The following MLH3 variants were observed in gnomAD, a reference collection of about 807,000 sequenced individuals.
MLH3 encodes the protein mutL homolog 3.
Under a neutral mutation model 122.2 loss-of-function variants are expected in MLH3, and 82 were observed. The observed-to-expected ratio is 0.67, with a 90% CI of 0.56 to 0.81. The LOEUF (loss-of-function observed/expected upper bound fraction) is 0.81. Ranked by LOEUF, MLH3 falls within the 30% of genes least tolerant of loss-of-function variation. The pLI, the probability that MLH3 is intolerant of heterozygous loss-of-function variation, is 0.00. For synonymous variants in MLH3, 524 were observed against 599.5 expected, an observed-to-expected ratio of 0.87 and a Z score of 1.84; for missense variants, 1,539 against 1,714.5, an observed-to-expected ratio of 0.90 and a Z score of 1.81.
intron 9 of MLH3, among the ~76,000 whole-genome samples, chr14:75,027,675 A>AC (rs1555341321): frequency 0.01 from 1,433 of 137,538 alleles, 70 homozygotes; most frequent in African/African-American, 0.034. Context: ...AAAAAAAAAA[A>AC]AAAAAAAAAA....
At position 75,014,516 on chromosome 14, in the gene MLH3, G is replaced by C. The variant is rs1889798006; in HGVS notation, c.*2566C>G. 3 of 196,528 alleles carry C rather than the reference G, an allele frequency of 1.5e-5. No homozygotes were observed. The highest frequency in any genetic ancestry group is 6.9e-5 in the African/African-American group (3 of 43,314). 12.2% of individuals were successfully genotyped at this position (196,528 alleles called of 1,614,324 possible). On this transcript the variant is annotated 3_prime_UTR_variant, in exon 13 of 13. Transcript: ENST00000355774. ...AATAATAAAGGGCTAGCTGTAACTA[G>C]CTGTGACTCTGTGATACCTAACGCC...
intron 11 of MLH3, among the ~76,000 whole-genome samples, chr14:75,020,352 T>G (rs1033633917): frequency 6.6e-6 from 1 of 152,168 alleles, no homozygotes; most frequent in Non-Finnish European, 1.5e-5. Context: ...CTTGGAGGGA[T>G]GTTTCAAAAA....
rs572507627 is a variant in MLH3, at chr14:75,026,240, G to C, written c.3988-3222C>G. On this transcript the variant is annotated intron_variant, in intron 9 of 12. Transcript: ENST00000355774. ...TTTGCCTGTGCTCCAAATCAAGAAA[G>C]CTACTGATAAAGGAGAAGGAACAAT... Among the ~76,000 whole-genome samples, 28 of 152,184 alleles carry C rather than the reference G, an allele frequency of 1.8e-4. 1 individual carries two copies. The South Asian group carries it at 5.2e-3, about 28-fold the overall frequency.
At chr14:75,019,262 T>G in intron 11 of MLH3, 1 of 369,432 alleles carries the variant, frequency 2.7e-6, no homozygotes, top group Non-Finnish European at 5.1e-6. Context: ...ATACAAAAAT[T>G]AGCCGGGTGT....
intron 6 of MLH3, among the ~76,000 whole-genome samples, chr14:75,037,336 T>C (rs1017986904): frequency 4.6e-5 from 7 of 152,252 alleles, no homozygotes; most frequent in East Asian, 1.9e-4. Flanking sequence ...TTAGAGCATC[T>C]TGTATCTCTT....
At position 75,016,277 on chromosome 14, in the gene MLH3, GT is replaced by G. The variant is rs1439435699; in HGVS notation, c.*804del. 1 of 201,632 alleles carries G rather than the reference GT, an allele frequency of 5.0e-6. No individual in the cohort carries two copies. The highest frequency in any genetic ancestry group is 1.0e-5 in the Non-Finnish European group (1 of 98,242). The allele number at this position is 201,632 out of a possible 1,614,324, so 12.5% of individuals were successfully genotyped here. On this transcript the variant is annotated 3_prime_UTR_variant, in exon 13 of 13. Coordinates refer to ENST00000355774, the MANE Select transcript of MLH3 (RefSeq NM_001040108.2). ...GTTAGGTTGAACGTATGTATGCTGTGTTTTGATATGACAATTGCTTTCACAT... is the reference window on the plus strand; with the variant it reads ...GTTAGGTTGAACGTATGTATGCTGTGTTTGATATGACAATTGCTTTCACAT...
Position 75,017,112 on chromosome 14 carries a change from C to CT in MLH3, c.4331dup (p.Gln1445AlafsTer7). On this transcript the variant is annotated frameshift_variant, in exon 13 of 13. Transcript: ENST00000355774. LOFTEE classifies it high-confidence loss of function. The stretch of plus-strand genomic sequence containing the variant: ...GTGGCTCACAGGGAGGCATGGATTG[C>CT]TGCAGGCTCTGCCTTGTATCACACT... 6 of 1,613,594 alleles carry CT rather than the reference C, an allele frequency of 3.7e-6. No individual in the cohort carries two copies. In the Middle Eastern group the frequency reaches 6.6e-4, roughly 177 times the overall value.
At chr14:75,028,441 G>C (rs1349159546) in intron 9 of MLH3, among the ~76,000 whole-genome samples, 1 of 144,266 alleles carries the variant, frequency 6.9e-6, no homozygotes, top group Non-Finnish European at 1.5e-5. Flanking sequence ...TTTTTGAGAC[G>C]GAGTCTTACT....
intron 5 of MLH3, among the ~76,000 whole-genome samples, chr14:75,038,691 C>T (rs1166850967): frequency 6.6e-6 from 1 of 151,970 alleles, no homozygotes; most frequent in Non-Finnish European, 1.5e-5. Context: ...TTAGAGAAGG[C>T]CTGAGATGTT....
chr14:75,034,917 G>A (rs1891289974), intron 6 of MLH3, among the ~76,000 whole-genome samples: 1 of 151,764 alleles, frequency 6.6e-6, no homozygotes, highest in Non-Finnish European at 1.5e-5. Context: ...ACAAGAATTA[G>A]CCGGGCGTGG....
intron 2 of MLH3, among the ~76,000 whole-genome samples, chr14:75,042,844 C>T (rs1324648264): frequency 6.6e-5 from 10 of 151,594 alleles, no homozygotes; most frequent in Admixed American, 5.3e-4. Flanking sequence ...GGCGTGATCT[C>T]GGCTTACTGC....
intron 7 of MLH3, among the ~76,000 whole-genome samples, chr14:75,032,451 T>C (rs953448461): frequency 6.6e-6 from 1 of 152,220 alleles, no homozygotes; most frequent in Non-Finnish European, 1.5e-5. Context: ...AAATGTTGTT[T>C]TGATGACAGA....
At chr14:75,040,549 C>A in intron 4 of MLH3, among the ~76,000 whole-genome samples, 1 of 121,010 alleles carries the variant, frequency 8.3e-6, no homozygotes, top group Non-Finnish European at 1.8e-5. Flanking sequence ...AAATTACTGA[C>A]AAAACAAAAA....
intron 2 of MLH3, among the ~76,000 whole-genome samples, chr14:75,044,113 C>G (rs1892057283): frequency 6.6e-6 from 1 of 151,942 alleles, no homozygotes. Flanking sequence ...TGTCTTTTAA[C>G]AATTTATTTC....
Position 75,049,287 on chromosome 14 carries a change from C to T in MLH3, c.369G>A (p.Leu123=), listed in dbSNP as rs2139607192. Residue 123 remains leucine (L), a synonymous_variant, in exon 2 of 13, where the codon CTG becomes CTA. Coordinates refer to ENST00000355774, the MANE Select transcript of MLH3 (RefSeq NM_001040108.2). ...CTTTCAGGGCTTTTCCACTCTGAAACAGTTTCACAAAAGTTTTCATTGTCC... is the reference window on the plus strand; with the variant it reads ...CTTTCAGGGCTTTTCCACTCTGAAATAGTTTCACAAAAGTTTTCATTGTCC... ...KNRTMKTFVK[L]FQSGKALKAC... 2 of 1,614,198 alleles carry T rather than the reference C, an allele frequency of 1.2e-6. No individual in the cohort carries two copies. Among genetic ancestry groups the T allele is most frequent in the Middle Eastern group, 1.6e-4 (1 of 6,062 alleles).
Position 75,049,037 on chromosome 14 carries a change from C to T in MLH3, c.619G>A (p.Val207Ile), listed in dbSNP as rs1460891308. Residue 207 changes from valine (V) to isoleucine (I), a missense_variant, in exon 2 of 13, where the codon GTA becomes ATA. Coordinates refer to ENST00000355774, the MANE Select transcript of MLH3 (RefSeq NM_001040108.2). ...MVLQLPKTKDVCSRFCQIYGL... is the reference protein window; with the variant it reads ...MVLQLPKTKDICSRFCQIYGL... The stretch of plus-strand genomic sequence containing the variant: ...TAAATTTGACAAAATCGGGAACATA[C>T]GTCTTTGGTTTTAGGGAGCTGAAGA... 5 of 1,614,042 alleles carry T rather than the reference C, an allele frequency of 3.1e-6. No homozygotes were observed. Among genetic ancestry groups the T allele is most frequent in the Non-Finnish European group, 2.5e-6 (3 of 1,180,004 alleles).
intron 4 of MLH3, 113 bp downstream of exon 4, chr14:75,041,502 C>A: frequency 1.2e-6 from 1 of 806,046 alleles, no homozygotes; most frequent in South Asian, 1.5e-5. Flanking sequence ...GAGCCGAGAT[C>A]ATGCCATTGC....
intron 4 of MLH3, among the ~76,000 whole-genome samples, chr14:75,040,537 C>T (rs1435532233): frequency 2.5e-5 from 2 of 79,894 alleles, no homozygotes. Context: ...TGCTTATAAA[C>T]AAAATTACTG....
intron 2 of MLH3, 47 bp downstream of exon 2, chr14:75,046,329 T>C (rs747312943): frequency 6.3e-7 from 1 of 1,594,116 alleles, no homozygotes; most frequent in Non-Finnish European, 8.6e-7. Context: ...TTGTCCAGCA[T>C]TCCCATCTTC....
Sources: gnomAD v4.1 joint callset for allele counts (sites outside exome capture counted in the v4.1 genomes callset) on GRCh38, gnomAD v4.1.1 for gene constraint, MANE v1.5 for transcripts, NCBI Gene and HGNC (gene_info 2026-07-23, HGNC 2026-07-21) for gene names.